Variants in SMARCC2 observed in about 807,000 individuals in gnomAD.
SMARCC2 encodes the protein SWI/SNF complex subunit SMARCC2.
Under a neutral mutation model 151.3 loss-of-function variants are expected in SMARCC2, and 15 were observed. The observed-to-expected ratio is 0.10, with a 90% confidence interval of 0.07 to 0.15. SMARCC2 has a LOEUF of 0.15. Among genes scored for constraint, SMARCC2 ranks in the 10% least tolerant of loss-of-function variants. SMARCC2 has a pLI of 1.00. For synonymous variants in SMARCC2, 590 were observed against 609.5 expected (o/e 0.97, Z 0.47); for missense variants, 1,031 against 1,599.7 (o/e 0.64, Z 6.06).
At position 56,171,422 on chromosome 12, in the gene SMARCC2, G is replaced by A; in HGVS notation, c.2196C>T (p.Ser732=). 1 of 1,614,178 alleles carries A rather than the reference G, an allele frequency of 6.2e-7. No homozygotes were observed. The highest frequency in any genetic ancestry group is 8.5e-7 in the Non-Finnish European group (1 of 1,180,038). ...AAAKSALEEF[S]KMKEEVPTAL... ...CCGTGGGTACCTCTTCCTTCATTTT[G>A]GAGAACTCCTCTGCAAGACCCAGAA... The change falls in exon 22 of 29, where the codon TCC becomes TCT. Residue 732 remains serine, a synonymous_variant. Coordinates refer to ENST00000550164, the MANE Select transcript of SMARCC2 (RefSeq NM_001330288.2). This position sits in a 1 kb window ranked among gnomAD's most constrained non-coding sequence, Gnocchi z 4.2.
At chr12:56,165,890 C>G (rs562361318) in intron 26 of SMARCC2, among the ~76,000 whole-genome samples, 191 bp from the exon 27 acceptor site, 76 of 152,342 alleles carry the variant, frequency 5.0e-4, no homozygotes, top group Admixed American at 1.1e-3. Flanking sequence ...ACCTTTATGT[C>G]TCCTGAGTGC....
chr12:56,162,615 G>A lies in SMARCC2; in HGVS notation c.*1074C>T, dbSNP rs917466084. ...AATGCGGGAAGCAGAGTTGAGCTGCGAGCCAAGGGTTGGTCCAACCCAAGG... is the reference window on the plus strand; with the variant it reads ...AATGCGGGAAGCAGAGTTGAGCTGCAAGCCAAGGGTTGGTCCAACCCAAGG... On this transcript the variant is annotated 3_prime_UTR_variant, in exon 29 of 29. Transcript: ENST00000550164. 2.8e-6 allele frequency: 1 copy of A among 359,382 alleles called. No individual in the cohort carries two copies. Among genetic ancestry groups the A allele is most frequent in the Non-Finnish European group, 5.0e-6 (1 of 198,182 alleles). 22.3% of individuals were successfully genotyped at this position (359,382 alleles called of 1,614,324 possible).
At chr12:56,170,111 C>T in intron 23 of SMARCC2, 33 bp downstream of exon 23, 1 of 1,572,610 alleles carries the variant, frequency 6.4e-7, no homozygotes, top group Non-Finnish European at 8.8e-7. Context: ...GTGCTGCACG[C>T]AGCCCCTGCA....
chr12:56,173,590 A>G (rs1874366357), intron 17 of SMARCC2, 106 bp downstream of exon 17: 10 of 1,007,858 alleles, frequency 9.9e-6, no homozygotes, highest in Non-Finnish European at 1.3e-5. Context: ...GAAAAGGAAG[A>G]AGCCTCAAAA....
At chr12:56,177,734 A>T (rs1875312435) in intron 15 of SMARCC2, among the ~76,000 whole-genome samples, 2 of 152,218 alleles carry the variant, frequency 1.3e-5, no homozygotes, top group African/African-American at 2.4e-5. Flanking sequence ...AGTAATATGG[A>T]TTTAAAGGCT....
At chr12:56,186,709 T>C in intron 2 of SMARCC2, 1 of 183,536 alleles carries the variant, frequency 5.4e-6, no homozygotes, top group Non-Finnish European at 1.2e-5. Flanking sequence ...AAGAGGGGAG[T>C]GAAAGAAACC....
intron 10 of SMARCC2, 102 bp from the exon 11 acceptor site, chr12:56,181,203 T>C: frequency 1.7e-6 from 2 of 1,170,254 alleles, no homozygotes; most frequent in African/African-American, 1.5e-5. Context: ...ATTCCAAGGG[T>C]AGAGCTGAGT....
chr12:56,167,816 C>T (rs991949714), intron 26 of SMARCC2, among the ~76,000 whole-genome samples: 3 of 152,000 alleles, frequency 2.0e-5, no homozygotes, highest in Non-Finnish European at 4.4e-5. Flanking sequence ...TACTCCTGCC[C>T]TGTTCCTGCC....
In SMARCC2 at chr12:56,164,323, G is replaced by C. The variant is rs1872358251; in HGVS notation, c.3641C>G (p.Pro1214Arg). 1 of 1,613,114 alleles carries C rather than the reference G, an allele frequency of 6.2e-7. No homozygotes were observed. The highest frequency in any genetic ancestry group is 1.7e-4 in the Middle Eastern group (1 of 5,876). The change falls in exon 28 of 29, where the codon CCC becomes CGC. Residue 1214 changes from proline (P) to arginine (R), a missense_variant. Coordinates refer to ENST00000550164, the MANE Select transcript of SMARCC2 (RefSeq NM_001330288.2). ...IVAAVQGNLL[P>R]SASPLPDPGT... ...CTCACCTGGCAGTGGGCTGGCACTG[G>C]GCAGGAGGTTGCCCTGAACAGCTGC... is the stretch of plus-strand genomic sequence containing the variant.
intron 23 of SMARCC2, 107 bp from the exon 24 acceptor site, chr12:56,170,018 T>C (rs1472741469): frequency 1.4e-6 from 2 of 1,435,588 alleles, no homozygotes; most frequent in East Asian, 2.3e-5. Flanking sequence ...ACTTTGGAGG[T>C]GATCTGATTC....
At chr12:56,180,813 G>A (rs1038177441) in intron 11 of SMARCC2, among the ~76,000 whole-genome samples, 164 bp downstream of exon 11, 45 of 152,174 alleles carry the variant, frequency 3.0e-4, no homozygotes, top group African/African-American at 1.1e-3. Context: ...ACAGTTAGAG[G>A]ATTTTCCAGG....
At chr12:56,184,645 T>A (rs1230639459) in intron 5 of SMARCC2, 199 bp downstream of exon 5, 1 of 585,404 alleles carries the variant, frequency 1.7e-6, no homozygotes, top group East Asian at 2.9e-5. Flanking sequence ...AGAACAGTAA[T>A]GCAAACCTGT....
Position 56,164,549 on chromosome 12 carries a change from T to C in SMARCC2, c.3415A>G (p.Ile1139Val). The C allele has an allele frequency of 1.2e-6, 2 of 1,613,974 alleles. No homozygotes were observed. The highest frequency in any genetic ancestry group is 1.7e-6 in the Non-Finnish European group (2 of 1,179,982). Residue 1139 changes from isoleucine to valine, a missense_variant, in exon 28 of 29, where the codon ATT (isoleucine) becomes GTT (valine). By Grantham distance (29) the Ile-to-Val change is conservative (BLOSUM62 3). Around this residue, in one of 12 missense-constraint regions of SMARCC2, gnomAD observed 310 missense variants for 350.0 expected, o/e 0.89. Transcript: ENST00000550164. Reference protein sequence around the residue: ...PFGSLADSISINLPAPPNLHG... With the variant: ...PFGSLADSISVNLPAPPNLHG... ...AGGTTAGGAGGAGCGGGGAGGTTAA[T>C]ACTGATGGAGTCAGCTAGACTACCA... is the stretch of plus-strand genomic sequence containing the variant.
At chr12:56,166,659 G>A (rs1818083021) in intron 26 of SMARCC2, among the ~76,000 whole-genome samples, 2 of 150,046 alleles carry the variant, frequency 1.3e-5, no homozygotes, top group African/African-American at 4.9e-5. Flanking sequence ...GGGCAAACAT[G>A]GCTCAGTGCA....
chr12:56,173,062 G>C, intron 17 of SMARCC2, 33 bp from the exon 18 acceptor site: 1 of 1,605,420 alleles, frequency 6.2e-7, no homozygotes, highest in South Asian at 1.1e-5. Flanking sequence ...ATGGAGGCTG[G>C]GCAGGAAATG....
Position 56,173,806 on chromosome 12 carries a change from C to A in SMARCC2, c.1540G>T (p.Val514Leu). ...LEQWGLINYQ[V>L]DAESRPTPMG... ...GGGGTTGGTCGACTCTCAGCATCCA[C>A]CTGGTAGTTAATAAGACCCCACTGT... Residue 514 changes from valine (V) to leucine (L), a missense_variant, in exon 17 of 29, where the codon GTG (valine) becomes TTG (leucine). Val to Leu is a conservative substitution (Grantham distance 32). Around this residue, in one of 12 missense-constraint regions of SMARCC2, gnomAD observed 99 missense variants for 148.3 expected, o/e 0.67. Transcript: ENST00000550164. The A allele has an allele frequency of 1.2e-6, 2 of 1,614,016 alleles. No individual in the cohort carries two copies. Among genetic ancestry groups the A allele is most frequent in the Non-Finnish European group, 1.7e-6 (2 of 1,179,930 alleles).
In SMARCC2 at chr12:56,164,382, G is replaced by A. The variant is rs883009; in HGVS notation, c.3582C>T (p.Leu1194=). The change falls in exon 28 of 29, where the codon CTC becomes CTT. Residue 1194 remains leucine (L), a synonymous_variant. Transcript: ENST00000550164. ...CAGGGCTTTGGGCTGCGGCGGATCCGAGCCCCGGCCCGAGAGGCAAGGAAG... is the reference window on the plus strand; with the variant it reads ...CAGGGCTTTGGGCTGCGGCGGATCCAAGCCCCGGCCCGAGAGGCAAGGAAG... The part of the protein sequence containing the change: ...MPSSLPLGPG[L]GSAAAQSPAI... The A allele has an allele frequency of 6.2e-6, 10 of 1,613,726 alleles. No homozygotes were observed. In the Admixed American group the frequency reaches 8.3e-5, roughly 13 times the overall value.
intron 14 of SMARCC2, 127 bp downstream of exon 14, chr12:56,178,277 A>G: frequency 8.8e-7 from 1 of 1,141,474 alleles, no homozygotes; most frequent in Non-Finnish European, 1.3e-6. Flanking sequence ...CCTAAAACTA[A>G]AGTGTACTCT....
chr12:56,184,641 G>C (rs1238353322), intron 5 of SMARCC2: 2 of 583,340 alleles, frequency 3.4e-6, no homozygotes, highest in Admixed American at 6.0e-5. Flanking sequence ...CTCTAGAACA[G>C]TAATGCAAAC....
Sources: allele counts gnomAD v4.1 joint callset (sites outside exome capture counted in the v4.1 genomes callset), GRCh38; gene constraint gnomAD v4.1.1; regional missense constraint gnomAD v4.1.1; non-coding constraint Gnocchi (gnomAD v3.1); transcripts MANE v1.5; gene names NCBI Gene and HGNC (gene_info 2026-07-23, HGNC 2026-07-21).